Variants in TGM4 observed in about 807,000 individuals in gnomAD.
TGM4 encodes transglutaminase 4.
A neutral mutation model predicts 76.3 loss-of-function variants in TGM4; 61 were observed. That is an observed-to-expected ratio of 0.80 (90% CI 0.65 to 0.99). TGM4 has a LOEUF of 0.99. Ranked by LOEUF, TGM4 falls within the 50% of genes least tolerant of loss-of-function variation. The pLI is 0.00. For missense variants in TGM4, 794 were observed against 843.2 expected (o/e 0.94, Z 0.72); for synonymous variants, 337 against 329.8 (o/e 1.02, Z -0.24).
chr3:44,894,580 T>G (rs1699754489), intron 5 of TGM4, among the ~76,000 whole-genome samples: 1 of 151,080 alleles, frequency 6.6e-6, no homozygotes, highest in South Asian at 2.1e-4. Context: ...GGCCAATGCC[T>G]TCGTGCAGCC....
At chr3:44,875,736 C>G (rs1367560554) in intron 1 of TGM4, among the ~76,000 whole-genome samples, 1 of 152,210 alleles carries the variant, frequency 6.6e-6, no homozygotes, top group African/African-American at 2.4e-5. Context: ...CTTTGAAACT[C>G]TGCAAAGGGA....
chr3:44,902,011 G>A lies in TGM4; in HGVS notation c.971+80G>A, dbSNP rs547944222. 301 of 1,532,358 alleles carry A rather than the reference G, an allele frequency of 2.0e-4. 4 individuals carry two copies. The South Asian group carries it at 2.2e-3, about 11-fold the overall frequency. The allele number at this position is 1,532,358 out of a possible 1,614,324, so 94.9% of individuals were successfully genotyped here. On this transcript the variant is annotated intron_variant, in intron 8 of 13. Transcript: ENST00000296125. ...TTTCTTTTTAGAAACAGGGTCTCTC[G>A]CTAGTTTGCCCAGGCTGGTCTTGAA...
At chr3:44,911,245 A>C in intron 12 of TGM4, 25 bp from the exon 13 acceptor site, 1 of 1,613,666 alleles carries the variant, frequency 6.2e-7, no homozygotes, top group Non-Finnish European at 8.5e-7. Flanking sequence ...TTCTCTCCCC[A>C]TCTCTCCTCC....
intron 3 of TGM4, chr3:44,888,101 C>A: frequency 3.1e-6 from 1 of 317,652 alleles, no homozygotes; most frequent in Non-Finnish European, 5.8e-6. Flanking sequence ...ATGGTTCCAC[C>A]AACTAAGTTA....
rs917903483 is a variant in TGM4, at chr3:44,874,610, C to T, written c.-69C>T. ...AAGGGCTGTTTCCTCCCCTGAGGAC[C>T]GACTGTGTGGAAGCACCAGGCATCA... On this transcript the variant is annotated 5_prime_UTR_variant, in exon 1 of 14. Coordinates refer to ENST00000296125, the MANE Select transcript of TGM4 (RefSeq NM_003241.4). The T allele has an allele frequency of 2.5e-5, 40 of 1,601,838 alleles. No homozygotes were observed. Among genetic ancestry groups the T allele is most frequent in the Middle Eastern group, 1.7e-4 (1 of 6,046 alleles).
chr3:44,911,043 C>T lies in TGM4; in HGVS notation c.1692C>T (p.Phe564=), dbSNP rs780535343. The T allele has an allele frequency of 6.2e-7, 1 of 1,614,174 alleles. No individual in the cohort carries two copies. Among genetic ancestry groups the T allele is most frequent in the Non-Finnish European group, 8.5e-7 (1 of 1,180,014 alleles). Residue 564 remains phenylalanine (F), a synonymous_variant, in exon 12 of 14, where the codon TTC becomes TTT. Coordinates refer to ENST00000296125, the MANE Select transcript of TGM4 (RefSeq NM_003241.4). The part of the protein sequence containing the change: ...ILDDEPVIRG[F]IIAEIVESKE... The stretch of plus-strand genomic sequence containing the variant: ...ATGATGAGCCAGTTATCAGAGGTTT[C>T]ATCATTGCGGAAATTGTGGAGTCTA...
intron 1 of TGM4, among the ~76,000 whole-genome samples, chr3:44,884,404 T>C (rs970187221): frequency 2.6e-5 from 4 of 152,216 alleles, no homozygotes; most frequent in Admixed American, 2.6e-4. Flanking sequence ...ATACATGTGC[T>C]ACAGAAAAGG....
chr3:44,887,656 G>A (rs776655663), intron 2 of TGM4, 33 bp from the exon 3 acceptor site: 2 of 1,597,996 alleles, frequency 1.3e-6, no homozygotes, highest in Non-Finnish European at 1.7e-6. Flanking sequence ...GTGGCCCATG[G>A]CTGGGCCAAT....
At chr3:44,884,118 C>T (rs938340816) in intron 1 of TGM4, among the ~76,000 whole-genome samples, 1 of 152,172 alleles carries the variant, frequency 6.6e-6, no homozygotes, top group Non-Finnish European at 1.5e-5. Context: ...GTGGGTCTGG[C>T]AGTCTGTGTT....
Position 44,885,467 on chromosome 3 carries a change from C to T in TGM4, c.162C>T (p.Ser54=). The part of the protein sequence containing the change: ...LRLVLNQPLQ[S]YHQLKLEFST... ...TGGTGCTGAACCAGCCCCTACAATC[C>T]TACCACCAACTGAAACTGGAATTCA... The change falls in exon 2 of 14, where the codon TCC becomes TCT. Residue 54 remains serine, a synonymous_variant. Transcript: ENST00000296125. 6.2e-7 allele frequency: 1 copy of T among 1,612,424 alleles called. No individual in the cohort carries two copies. Among genetic ancestry groups the T allele is most frequent in the Non-Finnish European group, 8.5e-7 (1 of 1,179,514 alleles).
intron 3 of TGM4, chr3:44,890,373 C>T (rs1317913676): frequency 4.0e-6 from 2 of 498,920 alleles, no homozygotes; most frequent in Admixed American, 3.3e-5. Flanking sequence ...CTCCAGGGCC[C>T]TTGCAAGACG....
At chr3:44,893,042 A>G (rs896557003) in intron 4 of TGM4, among the ~76,000 whole-genome samples, 1 of 152,120 alleles carries the variant, frequency 6.6e-6, no homozygotes, top group Non-Finnish European at 1.5e-5. Context: ...TATAATTACT[A>G]TCTTTTTCTT....
intron 8 of TGM4, among the ~76,000 whole-genome samples, 199 bp downstream of exon 8, chr3:44,902,130 C>A (rs534740273): frequency 6.6e-6 from 1 of 152,154 alleles, no homozygotes; most frequent in Admixed American, 6.6e-5. Flanking sequence ...TTTTTTAGCC[C>A]AAGCCCAGTC....
intron 4 of TGM4, among the ~76,000 whole-genome samples, chr3:44,891,432 C>A (rs1344478288): frequency 3.0e-5 from 4 of 131,870 alleles, no homozygotes; most frequent in Admixed American, 1.6e-4. Context: ...AATGAACAAC[C>A]TATACCCTTT....
chr3:44,886,029 TGTTGTTTTTAA>T (rs1699602769), intron 2 of TGM4, among the ~76,000 whole-genome samples: 1 of 152,134 alleles, frequency 6.6e-6, no homozygotes, highest in Non-Finnish European at 1.5e-5. Context: ...ACTTCTTTAA[TGTTGTTTTTAA>T]GTTTTAAAAA....
chr3:44,895,066 C>T (rs1046704758), intron 5 of TGM4, among the ~76,000 whole-genome samples: 3 of 151,420 alleles, frequency 2.0e-5, no homozygotes, highest in Admixed American at 6.6e-5. Context: ...GAGGCCGAAG[C>T]AGGCAGATCA....
intron 9 of TGM4, among the ~76,000 whole-genome samples, chr3:44,904,345 A>G (rs1699896328): frequency 6.6e-6 from 1 of 152,254 alleles, no homozygotes; most frequent in African/African-American, 2.4e-5. Context: ...ACTGAGGCTC[A>G]GGGAGGTGAA....
chr3:44,910,292 T>TG lies in TGM4; in HGVS notation c.1531dup (p.Glu511GlyfsTer15), dbSNP rs1699985398. 6.2e-7 allele frequency: 1 copy of TG among 1,614,074 alleles called. No individual in the cohort carries two copies. The highest frequency in any genetic ancestry group is 8.5e-7 in the Non-Finnish European group (1 of 1,180,042). ...AGAATGTCAACATCTTGGGCTCCTT[T>TG]GAACTACAGTTGTACACTGGCAAGA... On this transcript the variant is annotated frameshift_variant, in exon 11 of 14. Transcript: ENST00000296125. LOFTEE classifies it high-confidence loss of function.
intron 1 of TGM4, among the ~76,000 whole-genome samples, chr3:44,884,398 A>G (rs1397318014): frequency 6.6e-6 from 1 of 152,186 alleles, no homozygotes; most frequent in Admixed American, 6.5e-5. Context: ...TGAGAAATAC[A>G]TGTGCTACAG....
Sources: allele counts gnomAD v4.1 joint callset (sites outside exome capture counted in the v4.1 genomes callset), GRCh38; gene constraint gnomAD v4.1.1; transcripts MANE v1.5; gene names NCBI Gene and HGNC (gene_info 2026-07-23, HGNC 2026-07-21).